The following UBE2J2 variants were observed in gnomAD, a reference collection of about 807,000 sequenced individuals.
UBE2J2 encodes ubiquitin-conjugating enzyme E2 J2.
A neutral mutation model predicts 28.6 loss-of-function variants in UBE2J2; 5 were observed. The ratio of observed to expected loss-of-function variants is 0.17; its 90% CI spans 0.09 to 0.37. The LOEUF (loss-of-function observed/expected upper bound fraction) is 0.37. Among genes scored for constraint, UBE2J2 ranks in the 10% least tolerant of loss-of-function variants. The pLI, the probability that UBE2J2 is intolerant of heterozygous loss-of-function variation, is 1.00. For missense variants in UBE2J2, 226 were observed against 338.9 expected, an observed-to-expected ratio of 0.67 and a Z score of 2.62; for synonymous variants, 138 against 139.7, an observed-to-expected ratio of 0.99 and a Z score of 0.09.
At chr1:1,256,890 A>G (rs868276690) in intron 5 of UBE2J2, 102 bp downstream of exon 5, 684 of 440,200 alleles carry the variant, frequency 1.6e-3, no homozygotes, top group Middle Eastern at 0.013. Context: ...CGTCTCAAGA[A>G]AAAAAAAAAA....
chr1:1,270,727 C>T (rs1640105358), intron 1 of UBE2J2, among the ~76,000 whole-genome samples: 1 of 152,154 alleles, frequency 6.6e-6, no homozygotes, highest in African/African-American at 2.4e-5. Flanking sequence ...ATCACCCACT[C>T]CCCCATCCAC....
At chr1:1,259,263 G>A (rs1195611858) in intron 3 of UBE2J2, among the ~76,000 whole-genome samples, 1 of 152,056 alleles carries the variant, frequency 6.6e-6, no homozygotes, top group South Asian at 2.1e-4. Flanking sequence ...GGACACGTGT[G>A]TGTGCATGTG....
At chr1:1,262,926 T>G (rs1639644315) in intron 3 of UBE2J2, 1 of 184,022 alleles carries the variant, frequency 5.4e-6, no homozygotes, top group African/African-American at 2.3e-5. Context: ...GTACTTCCAC[T>G]TAGCTCAGAG....
At chr1:1,270,426 C>T (rs542184877) in intron 1 of UBE2J2, among the ~76,000 whole-genome samples, 5 of 152,272 alleles carry the variant, frequency 3.3e-5, no homozygotes, top group East Asian at 1.9e-4. Flanking sequence ...ACCCCACACA[C>T]CCAGGGCCTG....
Position 1,266,173 on chromosome 1 carries a change from C to T in UBE2J2, c.131+1689G>A, listed in dbSNP as rs376228376. 4.6e-4 allele frequency: 597 copies of T among 1,299,116 alleles called. 2 individuals carry two copies. The African/African-American group carries it at 6.2e-3, about 14-fold the overall frequency. The allele number at this position is 1,299,116 out of a possible 1,614,324, so 80.5% of individuals were successfully genotyped here. On this transcript the variant is annotated intron_variant, in intron 2 of 6. Coordinates refer to ENST00000349431, the MANE Select transcript of UBE2J2 (RefSeq NM_058167.3). ...GAGCACTCTGGTGGCCAAGGGGCTC[C>T]GCCTCACCCTGGGTATCCTCCGCCT...
At chr1:1,270,266 A>G (rs1640081278) in intron 1 of UBE2J2, among the ~76,000 whole-genome samples, 1 of 152,196 alleles carries the variant, frequency 6.6e-6, no homozygotes, top group South Asian at 2.1e-4. Flanking sequence ...AGACAGCCAC[A>G]CATTCCACCT....
chr1:1,266,648 C>T (rs535413902), intron 2 of UBE2J2, among the ~76,000 whole-genome samples: 52 of 151,550 alleles, frequency 3.4e-4, no homozygotes, highest in East Asian at 2.4e-3. Context: ...GGTGAAACCC[C>T]GTCTCTACTA....
In UBE2J2 at chr1:1,261,335, G is replaced by GAGCC. The variant is rs375562972; in HGVS notation, c.172+2007_172+2010dup. On this transcript the variant is annotated intron_variant, in intron 3 of 6. Transcript: ENST00000349431. Reference sequence around the variant, plus strand: ...TTTCCTGAGACCCAGGACCAGCACAGAGCCACACACGGTTGTGGGGAACAA... The same window carrying GAGCC: ...TTTCCTGAGACCCAGGACCAGCACAGAGCCAGCCACACACGGTTGTGGGGAACAA... 3.1e-3 allele frequency among the ~76,000 whole-genome samples: 477 copies of GAGCC among 152,328 alleles called. 1 individual carries two copies. The highest frequency in any genetic ancestry group is 0.011 in the African/African-American group (451 of 41,564).
intron 5 of UBE2J2, chr1:1,256,327 A>ATTCC: frequency 5.9e-6 from 3 of 511,420 alleles, no homozygotes; most frequent in Non-Finnish European, 1.0e-5. Context: ...ATCACACTTG[A>ATTCC]TTCCTATTAA....
intron 1 of UBE2J2, chr1:1,271,564 C>T (rs1242449822): frequency 6.6e-6 from 1 of 152,176 alleles, no homozygotes; most frequent in African/African-American, 2.4e-5. Context: ...GTTTCCCCAG[C>T]CACTCTTCCT....
At chr1:1,257,407 C>CCCGCCCCG in intron 3 of UBE2J2, 97 bp from the exon 4 acceptor site, 1 of 554,638 alleles carries the variant, frequency 1.8e-6, no homozygotes, top group African/African-American at 5.7e-5. Flanking sequence ...CCCCCCCCCC[C>CCCGCCCCG]CTCAGCTCGG....
At chr1:1,257,651 G>T (rs987924705) in intron 3 of UBE2J2, among the ~76,000 whole-genome samples, 6 of 151,190 alleles carry the variant, frequency 4.0e-5, no homozygotes, top group Non-Finnish European at 4.4e-5. Flanking sequence ...CCCCCACCAG[G>T]AGCAGAGGGG....
chr1:1,272,011 G>A (rs949872380), intron 1 of UBE2J2, among the ~76,000 whole-genome samples: 10 of 127,758 alleles, frequency 7.8e-5, no homozygotes, highest in South Asian at 3.1e-4. Flanking sequence ...AAAATTAGCC[G>A]GGTGTGGTGG....
At chr1:1,262,435 C>T (rs529037459) in intron 3 of UBE2J2, 17 of 406,772 alleles carry the variant, frequency 4.2e-5, no homozygotes, top group East Asian at 3.0e-4. Context: ...TTAACTCGGC[C>T]AAAATGCCTT....
At chr1:1,270,624 TC>T (rs938412151) in intron 1 of UBE2J2, among the ~76,000 whole-genome samples, 1 of 152,118 alleles carries the variant, frequency 6.6e-6, no homozygotes, top group African/African-American at 2.4e-5. Context: ...CACAGGAGCC[TC>T]CCAACTCCCC....
Position 1,255,045 on chromosome 1 carries a change from G to T in UBE2J2, c.*158C>A. On this transcript the variant is annotated 3_prime_UTR_variant, in exon 7 of 7. Transcript: ENST00000349431. ...AGGCTCCAGTCTCCTCCAAAGCCCA[G>T]TCACACATTTTGGTTTTTGCTTCCC... 1 of 765,590 alleles carries T rather than the reference G, an allele frequency of 1.3e-6. No homozygotes were observed. The highest frequency in any genetic ancestry group is 2.0e-6 in the Non-Finnish European group (1 of 492,124). The allele number at this position is 765,590 out of a possible 1,614,324, so 47.4% of individuals were successfully genotyped here. A position where few individuals can be genotyped will look rare whatever the true frequency, so the allele number is the denominator to read the frequency against.
At chr1:1,271,949 G>C (rs959482056) in intron 1 of UBE2J2, among the ~76,000 whole-genome samples, 1 of 138,592 alleles carries the variant, frequency 7.2e-6, no homozygotes, top group Non-Finnish European at 1.5e-5. Context: ...ACTCCAGCCT[G>C]GGCAACAAGA....
chr1:1,259,122 C>T (rs543795596), intron 3 of UBE2J2, among the ~76,000 whole-genome samples: 1 of 140,704 alleles, frequency 7.1e-6, no homozygotes, highest in South Asian at 2.3e-4. Context: ...GCCATCAGGA[C>T]GCACGTGTGT....
chr1:1,266,617 C>A (rs946954428), intron 2 of UBE2J2, among the ~76,000 whole-genome samples: 1 of 151,936 alleles, frequency 6.6e-6, no homozygotes, highest in Admixed American at 6.5e-5. Context: ...GTCAGGAGAT[C>A]AAGACCATCC....
Sources: allele counts gnomAD v4.1 joint callset (sites outside exome capture counted in the v4.1 genomes callset), GRCh38; gene constraint gnomAD v4.1.1; transcripts MANE v1.5; gene names NCBI Gene and HGNC (gene_info 2026-07-23, HGNC 2026-07-21).